The following LRRTM4 variants were observed in gnomAD, a reference collection of about 807,000 sequenced individuals.
The protein encoded by LRRTM4 is leucine-rich repeat transmembrane neuronal protein 4.
Under a neutral mutation model 47.6 loss-of-function variants are expected in LRRTM4, and 25 were observed. The observed-to-expected ratio is 0.53, with a 90% confidence interval of 0.38 to 0.73. LRRTM4 has a LOEUF of 0.73. LRRTM4 is among the 30% of genes least tolerant of loss of function. LRRTM4 has a pLI of 0.00. For synonymous variants in LRRTM4, 311 were observed against 269.5 expected (o/e 1.15, Z -1.51); for missense variants, 638 against 713.4 (o/e 0.89, Z 1.20).
intron 3 of LRRTM4, among the ~76,000 whole-genome samples, chr2:77,336,844 A>G (rs1416067232): frequency 6.6e-6 from 1 of 152,140 alleles, no homozygotes; most frequent in Non-Finnish European, 1.5e-5. Flanking sequence ...CCTATTCAGC[A>G]TAGTACTGGA....
intron 3 of LRRTM4, among the ~76,000 whole-genome samples, chr2:77,318,124 A>G (rs1276590815): frequency 6.8e-6 from 1 of 148,126 alleles, no homozygotes; most frequent in Non-Finnish European, 1.5e-5. Flanking sequence ...CTCCTGCCTC[A>G]GCCTCCCGAG....
intron 3 of LRRTM4, among the ~76,000 whole-genome samples, chr2:77,205,412 C>G (rs1573074878): frequency 6.6e-6 from 1 of 152,042 alleles, no homozygotes; most frequent in Non-Finnish European, 1.5e-5. Context: ...TCATAGATGG[C>G]CTGAGGACAT....
At position 77,014,539 on chromosome 2, in the gene LRRTM4, C is replaced by A. The variant is rs1573452698; in HGVS notation, c.1552-265623G>T. ...ATATAAAGATTTTATAGGCCAGGTG[C>A]AGTGGCTCATGCCTGTAATCCCAGC... On this transcript the variant is annotated intron_variant, in intron 3 of 3. Coordinates refer to ENST00000409884, the MANE Select transcript of LRRTM4 (RefSeq NM_001134745.3). Among the ~76,000 whole-genome samples the A allele has an allele frequency of 2.1e-5, 3 of 143,264 alleles. No individual in the cohort carries two copies. The South Asian group carries it at 7.0e-4, about 33-fold the overall frequency. 94.0% of individuals were successfully genotyped at this position (143,264 alleles called of 152,430 possible).
intron 3 of LRRTM4, among the ~76,000 whole-genome samples, chr2:77,177,121 C>T (rs1673221238): frequency 6.6e-6 from 1 of 152,124 alleles, no homozygotes; most frequent in Admixed American, 6.5e-5. Context: ...ACCAGCAGCC[C>T]TAGGGGCTGC....
chr2:76,968,383 T>TATATATATACAC (rs797010446), intron 3 of LRRTM4, among the ~76,000 whole-genome samples: 4 of 111,426 alleles, frequency 3.6e-5, no homozygotes, highest in Admixed American at 1.0e-4. Flanking sequence ...TATATATATA[T>TATATATATACAC]ACACATACAT....
intron 3 of LRRTM4, among the ~76,000 whole-genome samples, chr2:77,154,155 T>C (rs562678813): frequency 3.7e-4 from 56 of 152,318 alleles, no homozygotes; most frequent in African/African-American, 1.1e-3. Context: ...GGTGCTCCAA[T>C]AGAAGTTGTG....
chr2:77,403,492 G>A (rs1378088904), intron 3 of LRRTM4, among the ~76,000 whole-genome samples: 1 of 151,704 alleles, frequency 6.6e-6, no homozygotes, highest in African/African-American at 2.4e-5. Context: ...AAAGAAAATT[G>A]AGAACCTTAA....
chr2:77,088,725 C>T (rs949446931), intron 3 of LRRTM4, among the ~76,000 whole-genome samples: 6 of 152,166 alleles, frequency 3.9e-5, no homozygotes, highest in African/African-American at 1.4e-4. Context: ...AGATCAATCC[C>T]CCGTCCTCCT....
At chr2:77,475,221 G>C (rs1479819833) in intron 3 of LRRTM4, among the ~76,000 whole-genome samples, 2 of 151,958 alleles carry the variant, frequency 1.3e-5, no homozygotes, top group Non-Finnish European at 2.9e-5. Flanking sequence ...CTATAAAGAA[G>C]CACAGGTGGT....
chr2:76,991,898 C>G (rs1677023104), intron 3 of LRRTM4, among the ~76,000 whole-genome samples: 2 of 151,760 alleles, frequency 1.3e-5, no homozygotes. Context: ...AAAATATTAG[C>G]AACTGGAATC....
intron 3 of LRRTM4, among the ~76,000 whole-genome samples, chr2:76,907,127 A>C (rs28791305): frequency 0.38 from 56,774 of 150,490 alleles, 11,812 homozygotes; most frequent in East Asian, 0.71. Flanking sequence ...AAAGAACAGA[A>C]ATTATAACAA....
chr2:77,062,637 G>C (rs773809326), intron 3 of LRRTM4, among the ~76,000 whole-genome samples: 2 of 152,088 alleles, frequency 1.3e-5, no homozygotes, highest in Non-Finnish European at 2.9e-5. Flanking sequence ...GGAGAGGCAG[G>C]ACTTAGATGG....
chr2:77,290,777 T>G (rs887440765), intron 3 of LRRTM4, among the ~76,000 whole-genome samples: 1 of 152,052 alleles, frequency 6.6e-6, no homozygotes, highest in African/African-American at 2.4e-5. Context: ...AATTCTAGCT[T>G]CCTTTTCCTC....
At chr2:76,842,675 A>G (rs1160316552) in intron 3 of LRRTM4, among the ~76,000 whole-genome samples, 1 of 152,242 alleles carries the variant, frequency 6.6e-6, no homozygotes, top group African/African-American at 2.4e-5. Context: ...ATGGGTATGT[A>G]GAGGAGAGAA....
chr2:77,359,288 T>TC (rs1672089997), intron 3 of LRRTM4, among the ~76,000 whole-genome samples: 1 of 152,034 alleles, frequency 6.6e-6, no homozygotes, highest in African/African-American at 2.4e-5. Flanking sequence ...CTTCTAGATG[T>TC]CCCCCCAACC....
At chr2:76,981,083 C>G (rs905107215) in intron 3 of LRRTM4, among the ~76,000 whole-genome samples, 3 of 152,002 alleles carry the variant, frequency 2.0e-5, no homozygotes. Flanking sequence ...ACAGTACATG[C>G]TACAAAAATA....
At chr2:76,834,500 C>A (rs1162764431) in intron 3 of LRRTM4, among the ~76,000 whole-genome samples, 10 of 151,872 alleles carry the variant, frequency 6.6e-5, no homozygotes, top group Admixed American at 6.6e-4. Flanking sequence ...GATCTAAGTA[C>A]AATTAGAAGT....
intron 3 of LRRTM4, among the ~76,000 whole-genome samples, chr2:77,192,161 TAATAA>T (rs1455928508): frequency 1.3e-5 from 2 of 152,096 alleles, no homozygotes; most frequent in African/African-American, 2.4e-5. Flanking sequence ...CTTGTGAGAA[TAATAA>T]AATAAAGGCA....
intron 3 of LRRTM4, among the ~76,000 whole-genome samples, chr2:77,244,123 G>A (rs1031571128): frequency 5.1e-5 from 7 of 138,138 alleles, no homozygotes; most frequent in African/African-American, 2.0e-4. Flanking sequence ...TGGCTGCATA[G>A]TATTCCATGG....
Sources: gnomAD v4.1 joint callset for allele counts (sites outside exome capture counted in the v4.1 genomes callset) on GRCh38, gnomAD v4.1.1 for gene constraint, MANE v1.5 for transcripts, NCBI Gene and HGNC (gene_info 2026-07-23, HGNC 2026-07-21) for gene names.